ZBTB44: variants seen among roughly 807,000 people sequenced by gnomAD.
The protein encoded by ZBTB44 is zinc finger and BTB domain containing 44, also known as zinc finger and BTB domain-containing protein 44.
Under a neutral mutation model 54.0 loss-of-function variants are expected in ZBTB44, and 15 were observed. That is an observed-to-expected ratio of 0.28 (90% CI 0.19 to 0.43). The LOEUF (loss-of-function observed/expected upper bound fraction) is 0.43, where lower values mean the gene tolerates loss of function less well. Among genes scored for constraint, ZBTB44 ranks in the 20% least tolerant of loss-of-function variants. ZBTB44 has a pLI of 1.00. For missense variants in ZBTB44, 487 were observed against 707.1 expected, an observed-to-expected ratio of 0.69 and a Z score of 3.53; for synonymous variants, 230 against 250.1, an observed-to-expected ratio of 0.92 and a Z score of 0.76.
chr11:130,240,040 C>CG (rs1954289845), intron 2 of ZBTB44, 144 bp from the exon 3 acceptor site: 2 of 370,944 alleles, frequency 5.4e-6, no homozygotes, highest in African/African-American at 2.3e-5. Flanking sequence ...TAGTGTTCTA[C>CG]ATTTTTTTTT....
intron 3 of ZBTB44, 81 bp downstream of exon 3, chr11:130,239,731 C>A: frequency 8.7e-7 from 1 of 1,149,900 alleles, no homozygotes; most frequent in Non-Finnish European, 1.3e-6. Flanking sequence ...TAAACTTCTA[C>A]AACTCTTGAG....
chr11:130,236,359 C>T (rs1954111666), intron 5 of ZBTB44: 1 of 688,306 alleles, frequency 1.5e-6, no homozygotes, highest in Non-Finnish European at 2.0e-6. Context: ...TGGCCAATGG[C>T]TATTCCTTTA....
At chr11:130,305,275 C>T (rs961240681) in intron 1 of ZBTB44, among the ~76,000 whole-genome samples, 8 of 152,054 alleles carry the variant, frequency 5.3e-5, no homozygotes, top group African/African-American at 1.7e-4. Context: ...TCATATGGAA[C>T]CAAAAAAGAG....
intron 1 of ZBTB44, among the ~76,000 whole-genome samples, chr11:130,307,978 C>T (rs888329278): frequency 2.6e-5 from 4 of 152,218 alleles, no homozygotes; most frequent in East Asian, 3.9e-4. Flanking sequence ...CACCCGCCTC[C>T]GCCTCCCAAA....
At chr11:130,236,104 G>A (rs566936742) in intron 5 of ZBTB44, 1 of 1,279,516 alleles carries the variant, frequency 7.8e-7, no homozygotes, top group Admixed American at 2.4e-5. Context: ...ATCGTTTAAA[G>A]CTTACATTTT....
chr11:130,240,151 C>T (rs1954298757), intron 2 of ZBTB44, among the ~76,000 whole-genome samples: 1 of 151,066 alleles, frequency 6.6e-6, no homozygotes, highest in Admixed American at 6.6e-5. Context: ...ACGCCATTCT[C>T]CTGCCTCAGC....
intron 2 of ZBTB44, among the ~76,000 whole-genome samples, chr11:130,250,215 T>TTCC (rs1317922118): frequency 6.6e-6 from 1 of 152,194 alleles, no homozygotes; most frequent in Non-Finnish European, 1.5e-5. Context: ...CCTCTTTAGA[T>TTCC]TCCTCTTCAT....
intron 1 of ZBTB44, among the ~76,000 whole-genome samples, chr11:130,274,089 T>TA (rs796558116): frequency 0.014 from 1,983 of 141,404 alleles, 43 homozygotes; most frequent in African/African-American, 0.047. Context: ...TTGTCTCAAA[T>TA]AAAAAAAAAA....
At chr11:130,243,533 T>C (rs1164598468) in intron 2 of ZBTB44, among the ~76,000 whole-genome samples, 3 of 152,244 alleles carry the variant, frequency 2.0e-5, no homozygotes, top group Non-Finnish European at 4.4e-5. Context: ...TCTTTTTCCT[T>C]TTCTAGTCCG....
chr11:130,305,656 T>A (rs977778657), intron 1 of ZBTB44, among the ~76,000 whole-genome samples: 3 of 152,238 alleles, frequency 2.0e-5, no homozygotes, highest in Admixed American at 2.0e-4. Context: ...ATAAAAATTC[T>A]GGAAGATAAC....
At chr11:130,271,695 T>A (rs1019088275) in intron 1 of ZBTB44, among the ~76,000 whole-genome samples, 2 of 152,170 alleles carry the variant, frequency 1.3e-5, no homozygotes, top group Admixed American at 1.3e-4. Context: ...AATACTCCAC[T>A]CCATATTCCG....
chr11:130,229,961 T>C lies in ZBTB44; in HGVS notation c.*1803A>G, dbSNP rs1953815748. 1 of 152,146 alleles carries C rather than the reference T, an allele frequency of 6.6e-6. No individual in the cohort carries two copies. The highest frequency in any genetic ancestry group is 2.4e-5 in the African/African-American group (1 of 41,462). The allele number at this position is 152,146 out of a possible 1,614,324, so 9.4% of individuals were successfully genotyped here. ...TGTGTATTTCAGAATTACAGCTTCATACTTTGCAGATGACTGAAACAAAGT... is the reference window on the plus strand; with the variant it reads ...TGTGTATTTCAGAATTACAGCTTCACACTTTGCAGATGACTGAAACAAAGT... On this transcript the variant is annotated 3_prime_UTR_variant, in exon 8 of 8. Coordinates refer to ENST00000357899, the MANE Select transcript of ZBTB44 (RefSeq NM_001301098.2).
In ZBTB44 at chr11:130,236,812, C is replaced by A; in HGVS notation, c.1549G>T (p.Ala517Ser). Residue 517 changes from alanine to serine, a missense_variant, in exon 5 of 8, where the codon GCA (alanine) becomes TCA (serine). Coordinates refer to ENST00000357899, the MANE Select transcript of ZBTB44 (RefSeq NM_001301098.2). The part of the protein sequence containing the change: ...RSLNHEASEL[A>S]NYFQSSDFLV... Reference sequence around the variant, plus strand: ...CCTCACCTGCTCTGGAAGTAGTTTGCTAGCTCTGATGCTTCATGGTTCAGA... The same window carrying A: ...CCTCACCTGCTCTGGAAGTAGTTTGATAGCTCTGATGCTTCATGGTTCAGA... 2.2e-6 allele frequency: 3 copies of A among 1,347,802 alleles called. No homozygotes were observed. Among genetic ancestry groups the A allele is most frequent in the Non-Finnish European group, 9.5e-7 (1 of 1,049,524 alleles). 83.5% of individuals were successfully genotyped at this position (1,347,802 alleles called of 1,614,324 possible).
chr11:130,276,259 CAG>C (rs1414550298), intron 1 of ZBTB44, among the ~76,000 whole-genome samples: 2 of 33,096 alleles, frequency 6.0e-5, no homozygotes, highest in Non-Finnish European at 1.4e-4. Context: ...AAAAAGAAAT[CAG>C]AGGTTTGTTT....
chr11:130,299,491 C>T (rs879442210), intron 1 of ZBTB44, among the ~76,000 whole-genome samples: 4 of 149,898 alleles, frequency 2.7e-5, no homozygotes, highest in African/African-American at 7.4e-5. Flanking sequence ...AGGCAGAGGT[C>T]GCAGTGAGCC....
At chr11:130,285,764 C>A (rs550925163) in intron 1 of ZBTB44, 10 of 220,064 alleles carry the variant, frequency 4.5e-5, no homozygotes, top group Non-Finnish European at 7.7e-5. Flanking sequence ...CCAGTTCATG[C>A]CCACATGCTC....
chr11:130,231,665 CTTCTT>C lies in ZBTB44; in HGVS notation c.*94_*98del, dbSNP rs1019502741. ...CGTTTCTCTTCTTTATTCTTCTTTC[CTTCTT>C]TTCTTTTTTCTTTCCTCTTGCTCTT... On this transcript the variant is annotated 3_prime_UTR_variant, in exon 8 of 8. Transcript: ENST00000357899. The C allele has an allele frequency of 1.4e-4, 22 of 152,180 alleles. No individual in the cohort carries two copies. Among genetic ancestry groups the C allele is most frequent in the Admixed American group, 1.2e-3 (19 of 15,276 alleles). 9.4% of individuals were successfully genotyped at this position (152,180 alleles called of 1,614,324 possible). A position where few individuals can be genotyped will look rare whatever the true frequency, so the allele number is the denominator to read the frequency against.
Position 130,279,334 on chromosome 11 carries a change from G to A in ZBTB44, c.-56-17405C>T, listed in dbSNP as rs578169429. On this transcript the variant is annotated intron_variant, in intron 1 of 7. Transcript: ENST00000357899. ...AAAAAAAAAAAAAAAAAAAAGCCCT[G>A]GGTTTATATTCTACAAATTAATTGA... Among the ~76,000 whole-genome samples, 443 of 150,222 alleles carry A rather than the reference G, an allele frequency of 2.9e-3. 2 individuals carry two copies. The highest frequency in any genetic ancestry group is 4.6e-3 in the Non-Finnish European group (310 of 67,740).
chr11:130,232,194 C>T (rs372672046), intron 7 of ZBTB44: 3 of 152,130 alleles, frequency 2.0e-5, no homozygotes, highest in East Asian at 1.9e-4. Flanking sequence ...AAACAAATCA[C>T]TATAATTAAA....
Sources: allele counts gnomAD v4.1 joint callset (sites outside exome capture counted in the v4.1 genomes callset), GRCh38; gene constraint gnomAD v4.1.1; transcripts MANE v1.5; gene names NCBI Gene and HGNC (gene_info 2026-07-23, HGNC 2026-07-21).